The following ROCK1 variants were observed in gnomAD, a reference collection of about 807,000 sequenced individuals.
ROCK1 encodes rho-associated protein kinase 1.
In ROCK1, 36 loss-of-function variants were observed where a neutral mutation model predicts 196.8. That is an observed-to-expected ratio of 0.18 (90% CI 0.14 to 0.24). The LOEUF is 0.24. Among genes scored for constraint, ROCK1 ranks in the 10% least tolerant of loss-of-function variants. ROCK1 has a pLI of 1.00. For missense variants in ROCK1, 920 were observed against 1,562.0 expected (o/e 0.59, Z 6.93); for synonymous variants, 443 against 515.9 (o/e 0.86, Z 1.91).
chr18:21,079,234 A>C (rs2036461865), intron 1 of ROCK1, among the ~76,000 whole-genome samples: 3 of 152,064 alleles, frequency 2.0e-5, no homozygotes, highest in Admixed American at 6.6e-5. Context: ...GCAGGAGTGA[A>C]GTTTTCACCT....
intron 1 of ROCK1, among the ~76,000 whole-genome samples, chr18:21,083,613 G>A (rs1392181892): frequency 6.6e-6 from 1 of 152,168 alleles, no homozygotes; most frequent in Non-Finnish European, 1.5e-5. Flanking sequence ...TGAAGATGGT[G>A]AATATGAAGA....
chr18:21,038,201 T>G (rs1252820114), intron 9 of ROCK1, among the ~76,000 whole-genome samples: 1 of 152,138 alleles, frequency 6.6e-6, no homozygotes, highest in African/African-American at 2.4e-5. Context: ...ATCATCTCTT[T>G]GTCATGCAAC....
At chr18:21,099,385 G>A (rs558133248) in intron 1 of ROCK1, among the ~76,000 whole-genome samples, 4 of 152,148 alleles carry the variant, frequency 2.6e-5, no homozygotes, top group Admixed American at 6.5e-5. Flanking sequence ...GAAAAGAACA[G>A]GGTAGAGAGA....
intron 3 of ROCK1, 140 bp downstream of exon 3, chr18:21,049,640 T>A (rs1207194351): frequency 1.6e-6 from 1 of 607,074 alleles, no homozygotes; most frequent in Non-Finnish European, 2.8e-6. Flanking sequence ...TAGGCTTCCA[T>A]ACCCTCAGGC....
At chr18:21,079,895 T>C (rs1011096805) in intron 1 of ROCK1, among the ~76,000 whole-genome samples, 1 of 152,300 alleles carries the variant, frequency 6.6e-6, no homozygotes, top group East Asian at 1.9e-4. Flanking sequence ...ACGAAGAGGA[T>C]AGGAAGGCCA....
intron 29 of ROCK1, among the ~76,000 whole-genome samples, 185 bp downstream of exon 29, chr18:20,959,655 T>C (rs1327306174): frequency 2.0e-5 from 3 of 151,590 alleles, no homozygotes; most frequent in Admixed American, 6.6e-5. Flanking sequence ...GAAATAAGTA[T>C]ATACATTTTT....
intron 16 of ROCK1, among the ~76,000 whole-genome samples, chr18:21,005,153 G>T (rs1206595281): frequency 1.3e-5 from 2 of 152,194 alleles, no homozygotes; most frequent in Non-Finnish European, 2.9e-5. Flanking sequence ...AGAAAAATAT[G>T]TGAGTAGGTA....
In ROCK1 at chr18:20,951,219, A is replaced by C. The variant is rs2035183954; in HGVS notation, c.*165T>G. The C allele has an allele frequency of 6.0e-6, 3 of 500,880 alleles. No individual in the cohort carries two copies. The highest frequency in any genetic ancestry group is 1.1e-5 in the Non-Finnish European group (3 of 283,578). The allele number at this position is 500,880 out of a possible 1,614,324, so 31.0% of individuals were successfully genotyped here. On this transcript the variant is annotated 3_prime_UTR_variant, in exon 33 of 33. Coordinates refer to ENST00000399799, the MANE Select transcript of ROCK1 (RefSeq NM_005406.3). ...TGTAGGCAAACCCGCAATAAAAAAAACCCTCAGTGTGTTGTGCCAAAGCAA... is the reference window on the plus strand; with the variant it reads ...TGTAGGCAAACCCGCAATAAAAAAACCCCTCAGTGTGTTGTGCCAAAGCAA...
intron 11 of ROCK1, among the ~76,000 whole-genome samples, chr18:21,021,269 A>G (rs1467504163): frequency 1.3e-5 from 2 of 152,188 alleles, no homozygotes; most frequent in African/African-American, 2.4e-5. Flanking sequence ...AAGTATACAG[A>G]AGAGAGAGAA....
At chr18:21,101,505 G>A (rs1003378520) in intron 1 of ROCK1, among the ~76,000 whole-genome samples, 1 of 152,152 alleles carries the variant, frequency 6.6e-6, no homozygotes, top group Non-Finnish European at 1.5e-5. Context: ...CATTTTATAG[G>A]AAATATGGAA....
At chr18:21,027,784 C>T (rs1289834063) in intron 10 of ROCK1, among the ~76,000 whole-genome samples, 2 of 91,570 alleles carry the variant, frequency 2.2e-5, no homozygotes, top group Non-Finnish European at 3.8e-5. Context: ...TTTTTTGAGA[C>T]GGAGTCTCGC....
At chr18:21,001,622 G>C (rs1486172858) in intron 16 of ROCK1, among the ~76,000 whole-genome samples, 1 of 151,840 alleles carries the variant, frequency 6.6e-6, no homozygotes, top group African/African-American at 2.4e-5. Context: ...AAAATTAGCT[G>C]GGCATGGTGG....
intron 6 of ROCK1, among the ~76,000 whole-genome samples, chr18:21,043,233 G>A (rs1021614822): frequency 6.6e-6 from 1 of 152,010 alleles, no homozygotes; most frequent in Non-Finnish European, 1.5e-5. Flanking sequence ...ACATACAAAA[G>A]CTGACTGTAC....
At position 21,017,770 on chromosome 18, in the gene ROCK1, A is replaced by G. The variant is rs367718906; in HGVS notation, c.1362-2291T>C. Among the ~76,000 whole-genome samples, 7 of 151,862 alleles carry G rather than the reference A, an allele frequency of 4.6e-5. No individual in the cohort carries two copies. The East Asian group carries it at 1.4e-3, about 30-fold the overall frequency. ...GGCGGATCAAAAGGCCAGGAGATCG[A>G]GACCATCCTGGTTAACACAGTGAAA... is the stretch of plus-strand genomic sequence containing the variant. On this transcript the variant is annotated intron_variant, in intron 12 of 32. Transcript: ENST00000399799.
At chr18:21,042,827 T>A in intron 6 of ROCK1, 118 bp from the exon 7 acceptor site, 1 of 994,136 alleles carries the variant, frequency 1.0e-6, no homozygotes. Context: ...AAATATCATA[T>A]ATTAAAACTG....
intron 9 of ROCK1, among the ~76,000 whole-genome samples, chr18:21,032,505 AG>A (rs1474612967): frequency 2.0e-5 from 3 of 146,386 alleles, no homozygotes; most frequent in Non-Finnish European, 4.5e-5. Context: ...CAAATAGGAA[AG>A]TTTTTTTTTT....
intron 16 of ROCK1, among the ~76,000 whole-genome samples, chr18:20,999,823 G>A (rs2035707109): frequency 6.6e-6 from 1 of 152,054 alleles, no homozygotes; most frequent in Admixed American, 6.6e-5. Context: ...GACAGGCTTC[G>A]CCATGTTGCT....
intron 10 of ROCK1, among the ~76,000 whole-genome samples, chr18:21,024,828 A>G (rs2035942703): frequency 6.6e-6 from 1 of 152,228 alleles, no homozygotes; most frequent in South Asian, 2.1e-4. Context: ...GGGGCTGTGT[A>G]GCAGCTTTAT....
intron 22 of ROCK1, among the ~76,000 whole-genome samples, chr18:20,971,303 CAT>C (rs1464899151): frequency 3.2e-5 from 2 of 61,634 alleles, no homozygotes; most frequent in Admixed American, 2.7e-4. Flanking sequence ...ATATAGTAAA[CAT>C]ACACACACAC....
Sources: gnomAD v4.1 joint callset for allele counts (sites outside exome capture counted in the v4.1 genomes callset) on GRCh38, gnomAD v4.1.1 for gene constraint, MANE v1.5 for transcripts, NCBI Gene and HGNC (gene_info 2026-07-23, HGNC 2026-07-21) for gene names.